BTBD9: variants seen among roughly 807,000 people sequenced by gnomAD.
The protein encoded by BTBD9 is BTB/POZ domain-containing protein 9.
A neutral mutation model predicts 64.3 loss-of-function variants in BTBD9; 49 were observed. That is an observed-to-expected ratio of 0.76 (90% CI 0.61 to 0.97). BTBD9 has a LOEUF of 0.97. Among genes scored for constraint, BTBD9 ranks in the 50% least tolerant of loss-of-function variants. The pLI, the probability that BTBD9 is intolerant of heterozygous loss-of-function variation, is 0.00. For synonymous variants in BTBD9, 260 were observed against 274.7 expected (o/e 0.95, Z 0.53); for missense variants, 598 against 762.1 (o/e 0.78, Z 2.53).
chr6:38,253,204 T>C (rs1210909835), intron 9 of BTBD9, among the ~76,000 whole-genome samples: 1 of 152,156 alleles, frequency 6.6e-6, no homozygotes, highest in East Asian at 1.9e-4. Flanking sequence ...TAAAGAAATA[T>C]CCAAGACTGA....
Position 38,288,010 on chromosome 6 carries a change from G to A in BTBD9, c.1454+262C>T, listed in dbSNP as rs147076350. Among the ~76,000 whole-genome samples, 2 of 152,212 alleles carry A rather than the reference G, an allele frequency of 1.3e-5. 1 individual carries two copies. Among genetic ancestry groups the A allele is most frequent in the East Asian group, 3.9e-4 (2 of 5,184 alleles). On this transcript the variant is annotated intron_variant, in intron 8 of 10. Transcript: ENST00000481247. ...CCAATACAAATTGAGACTTGAAAAG[G>A]ACATAAGCCACCCAGGGAGAAGCCT...
intron 6 of BTBD9, among the ~76,000 whole-genome samples, chr6:38,426,337 C>T (rs753449611): frequency 4.6e-5 from 7 of 151,952 alleles, no homozygotes; most frequent in Non-Finnish European, 8.8e-5. Context: ...TATTGCCTGA[C>T]AGCACGGCGG....
At chr6:38,617,421 A>T (rs1438891548) in intron 1 of BTBD9, among the ~76,000 whole-genome samples, 1 of 152,112 alleles carries the variant, frequency 6.6e-6, no homozygotes, top group Non-Finnish European at 1.5e-5. Context: ...CTGCTTCTCA[A>T]AACCACTCCC....
At chr6:38,613,266 G>C (rs1157504547) in intron 1 of BTBD9, among the ~76,000 whole-genome samples, 3 of 152,122 alleles carry the variant, frequency 2.0e-5, no homozygotes, top group Admixed American at 2.0e-4. Context: ...CTGTTTGACA[G>C]CGCTGCTTTA....
At chr6:38,510,253 T>C (rs1293504712) in intron 6 of BTBD9, among the ~76,000 whole-genome samples, 1 of 152,200 alleles carries the variant, frequency 6.6e-6, no homozygotes, top group Non-Finnish European at 1.5e-5. Context: ...AGCCTATTGC[T>C]CCTAGGCTAC....
intron 4 of BTBD9, among the ~76,000 whole-genome samples, chr6:38,582,085 G>C (rs1776312214): frequency 6.6e-6 from 1 of 152,114 alleles, no homozygotes; most frequent in South Asian, 2.1e-4. Context: ...TTCAAATGAA[G>C]ATGAGTAAAG....
chr6:38,537,657 T>C (rs554310462), intron 6 of BTBD9, among the ~76,000 whole-genome samples: 9 of 152,226 alleles, frequency 5.9e-5, no homozygotes, highest in Non-Finnish European at 1.3e-4. Context: ...TTTTATGCTA[T>C]GTACAAAGAA....
At chr6:38,415,023 A>G (rs1205424165) in intron 6 of BTBD9, among the ~76,000 whole-genome samples, 1 of 152,162 alleles carries the variant, frequency 6.6e-6, no homozygotes, top group East Asian at 1.9e-4. Flanking sequence ...ATCTAAAATA[A>G]AAGTTATCAT....
At chr6:38,266,628 AAGAAAG>A (rs1185378442) in intron 8 of BTBD9, among the ~76,000 whole-genome samples, 1 of 84,706 alleles carries the variant, frequency 1.2e-5, no homozygotes, top group Non-Finnish European at 2.5e-5. Flanking sequence ...GAAAGAAAGA[AAGAAAG>A]AAAGAAAGAA....
At chr6:38,340,859 T>TTC (rs1764070829) in intron 7 of BTBD9, among the ~76,000 whole-genome samples, 1 of 152,200 alleles carries the variant, frequency 6.6e-6, no homozygotes, top group Non-Finnish European at 1.5e-5. Flanking sequence ...TTTTCTCTGC[T>TTC]TCTGGATAGA....
intron 6 of BTBD9, chr6:38,402,849 C>T (rs952029960): frequency 2.3e-5 from 16 of 701,058 alleles, no homozygotes; most frequent in South Asian, 5.9e-5. Context: ...GGGAGGATTG[C>T]TTGAGCTCAG....
At chr6:38,505,964 CAAA>C (rs59014161) in intron 6 of BTBD9, among the ~76,000 whole-genome samples, 999 of 82,664 alleles carry the variant, frequency 0.012, 33 homozygotes, top group Admixed American at 0.071. Context: ...TCCGTCTCAA[CAAA>C]AAAAAAAAAA....
In BTBD9 at chr6:38,441,818, CT is replaced by C. The variant is rs1362970905; in HGVS notation, c.1155-96726del. On this transcript the variant is annotated intron_variant, in intron 6 of 10. Coordinates refer to ENST00000481247, the MANE Select transcript of BTBD9 (RefSeq NM_001099272.2). ...CTTTACATATATTACCTCATTATTC[CT>C]GACAACAACCTATGAAGTGGATGTT... is the stretch of plus-strand genomic sequence containing the variant. Among the ~76,000 whole-genome samples the C allele has an allele frequency of 2.0e-5, 3 of 152,102 alleles. No homozygotes were observed. In the East Asian group the frequency reaches 5.8e-4, roughly 29 times the overall value.
chr6:38,545,332 T>C (rs1774484302), intron 6 of BTBD9, among the ~76,000 whole-genome samples: 1 of 152,112 alleles, frequency 6.6e-6, no homozygotes. Context: ...CTCTGGTGAT[T>C]ACAGGCGTGA....
intron 6 of BTBD9, among the ~76,000 whole-genome samples, chr6:38,518,418 G>A (rs1375333767): frequency 2.0e-5 from 3 of 152,142 alleles, no homozygotes; most frequent in Admixed American, 1.3e-4. Flanking sequence ...ACTGGTTCTC[G>A]CCAATTGTGT....
chr6:38,580,188 GT>G (rs1195569442), intron 5 of BTBD9, 29 bp downstream of exon 5: 1 of 1,593,386 alleles, frequency 6.3e-7, no homozygotes, highest in Admixed American at 1.7e-5. Context: ...CAAACATAAT[GT>G]CAGTTTCTAA....
intron 6 of BTBD9, among the ~76,000 whole-genome samples, chr6:38,363,252 C>T (rs979549695): frequency 2.0e-5 from 3 of 152,078 alleles, no homozygotes; most frequent in Non-Finnish European, 4.4e-5. Flanking sequence ...CTGCACTGGC[C>T]AACATCAACT....
chr6:38,402,280 T>C (rs930509542), intron 6 of BTBD9, among the ~76,000 whole-genome samples: 1 of 151,890 alleles, frequency 6.6e-6, no homozygotes, highest in Non-Finnish European at 1.5e-5. Flanking sequence ...AAGCGATCCA[T>C]AGATTCAATG....
chr6:38,175,556 CTGGTGG>C (rs59918159), intron 10 of BTBD9, among the ~76,000 whole-genome samples: 91,145 of 151,428 alleles, frequency 0.6, 29,187 homozygotes, highest in Non-Finnish European at 0.73. Flanking sequence ...CAGGAGTTGA[CTGGTGG>C]TGGTGGTGGT....
Sources: gnomAD v4.1 joint callset for allele counts (sites outside exome capture counted in the v4.1 genomes callset) on GRCh38, gnomAD v4.1.1 for gene constraint, MANE v1.5 for transcripts, NCBI Gene and HGNC (gene_info 2026-07-23, HGNC 2026-07-21) for gene names.